FGF14: variants seen among roughly 807,000 people sequenced by gnomAD.
The protein encoded by FGF14 is fibroblast growth factor homologous factor 4.
FGF14 carries 5 observed loss-of-function variants against 25.5 expected under a neutral mutation model. The ratio of observed to expected loss-of-function variants is 0.20; its 90% confidence interval spans 0.10 to 0.41. FGF14 has a LOEUF of 0.41. FGF14 is among the 10% of genes least tolerant of loss of function. The pLI is 1.00. For missense variants in FGF14, 222 were observed against 320.1 expected (o/e 0.69, Z 2.34); for synonymous variants, 138 against 118.3 (o/e 1.17, Z -1.08).
chr13:102,271,697 T>C (rs910052376), intron 1 of FGF14, among the ~76,000 whole-genome samples: 10 of 152,198 alleles, frequency 6.6e-5, no homozygotes, highest in African/African-American at 2.4e-4. Flanking sequence ...TGTCTGGGTC[T>C]GCAATAAATG....
intron 1 of FGF14, among the ~76,000 whole-genome samples, chr13:102,322,772 C>T (rs920346781): frequency 6.6e-6 from 1 of 152,034 alleles, no homozygotes; most frequent in Admixed American, 6.6e-5. Context: ...ATTCCTAAAA[C>T]ATGCATTATA....
At chr13:101,879,668 G>A (rs1594585194) in intron 1 of FGF14, among the ~76,000 whole-genome samples, 4 of 152,040 alleles carry the variant, frequency 2.6e-5, no homozygotes, top group Non-Finnish European at 5.9e-5. Flanking sequence ...TACATCATAC[G>A]AACTATGTTT....
At position 101,724,623 on chromosome 13, in the gene FGF14, TATATATATAA is replaced by T. The variant is rs1289206195; in HGVS notation, c.608-1666_608-1657del. On this transcript the variant is annotated intron_variant, in intron 4 of 4. Coordinates refer to ENST00000376143, the MANE Select transcript of FGF14 (RefSeq NM_004115.4). ...ATATATATATATATATATATATATA[TATATATATAA>T]AACAAAGATATGAATGCCCTAGAGT... is the stretch of plus-strand genomic sequence containing the variant. 5.1e-3 allele frequency among the ~76,000 whole-genome samples: 650 copies of T among 126,948 alleles called. 24 individuals carry two copies. The highest frequency in any genetic ancestry group is 0.048 in the Admixed American group (562 of 11,808). The allele number at this position is 126,948 out of a possible 152,430, so 83.3% of individuals were successfully genotyped here. A position where few individuals can be genotyped will look rare whatever the true frequency, so the allele number is the denominator to read the frequency against.
intron 1 of FGF14, among the ~76,000 whole-genome samples, chr13:101,943,937 G>C (rs1304668392): frequency 6.8e-6 from 1 of 147,982 alleles, no homozygotes; most frequent in Non-Finnish European, 1.5e-5. Context: ...AGGAGGCGGG[G>C]TTGTGGTGAG....
At chr13:102,109,166 A>C (rs1156407903) in intron 1 of FGF14, among the ~76,000 whole-genome samples, 1 of 152,202 alleles carries the variant, frequency 6.6e-6, no homozygotes, top group African/African-American at 2.4e-5. Context: ...GACCCTAAAT[A>C]GCTTTGATTC....
chr13:102,072,498 T>C (rs1466953059), intron 1 of FGF14, among the ~76,000 whole-genome samples: 1 of 152,150 alleles, frequency 6.6e-6, no homozygotes, highest in Non-Finnish European at 1.5e-5. Flanking sequence ...ATAGAAATCA[T>C]TTAATACAGG....
chr13:101,882,818 A>G (rs1482035333), intron 1 of FGF14, among the ~76,000 whole-genome samples: 2 of 152,166 alleles, frequency 1.3e-5, no homozygotes, highest in South Asian at 4.1e-4. Context: ...AACACTTTAA[A>G]GCTACTTCCA....
At chr13:101,957,617 A>T (rs1181948646) in intron 1 of FGF14, among the ~76,000 whole-genome samples, 1 of 152,212 alleles carries the variant, frequency 6.6e-6, no homozygotes, top group Non-Finnish European at 1.5e-5. Flanking sequence ...TATGCATATT[A>T]GTATTTGAGC....
chr13:102,206,296 T>A (rs938062892), intron 1 of FGF14, among the ~76,000 whole-genome samples: 6 of 152,146 alleles, frequency 3.9e-5, no homozygotes, highest in Admixed American at 6.5e-5. Flanking sequence ...AGGGTCCTAC[T>A]CTGACCAATT....
intron 1 of FGF14, chr13:102,263,111 G>T: frequency 1.6e-6 from 1 of 624,690 alleles, no homozygotes; most frequent in Non-Finnish European, 3.0e-6. Flanking sequence ...ACCAGTTTTC[G>T]TCTAAATCCA....
chr13:102,041,621 C>CT (rs1283158043), intron 1 of FGF14, among the ~76,000 whole-genome samples: 1 of 149,664 alleles, frequency 6.7e-6, no homozygotes, highest in Non-Finnish European at 1.5e-5. Flanking sequence ...AAAAATGTTT[C>CT]CTTTACTTGA....
chr13:101,772,201 A>G (rs2038821566), intron 3 of FGF14, among the ~76,000 whole-genome samples: 1 of 152,104 alleles, frequency 6.6e-6, no homozygotes, highest in African/African-American at 2.4e-5. Context: ...ACTCAAGTTC[A>G]AAGACAAAAA....
chr13:102,211,112 G>T (rs975035773), intron 1 of FGF14, among the ~76,000 whole-genome samples: 2 of 151,780 alleles, frequency 1.3e-5, no homozygotes, highest in African/African-American at 4.8e-5. Context: ...TAGTAAAAAA[G>T]AAAATATTAT....
In FGF14 at chr13:102,159,126, C is replaced by A. The variant is rs549575911; in HGVS notation, c.208+242345G>T. 1.2e-3 allele frequency among the ~76,000 whole-genome samples: 169 copies of A among 137,774 alleles called. 6 individuals are homozygous for A. The South Asian group carries it at 0.038, about 31-fold the overall frequency. The allele number at this position is 137,774 out of a possible 152,430, so 90.4% of individuals were successfully genotyped here. A position where few individuals can be genotyped will look rare whatever the true frequency, so the allele number is the denominator to read the frequency against. ...TTGCACTCCAGCATGGGTAAGAGAG[C>A]CAGACTCTGTCTCAAAAAAAAAAAA... On this transcript the variant is annotated intron_variant, in intron 1 of 4. Transcript: ENST00000376131.
chr13:101,776,606 G>A (rs1189870625), intron 3 of FGF14, among the ~76,000 whole-genome samples: 1 of 152,154 alleles, frequency 6.6e-6, no homozygotes, highest in Non-Finnish European at 1.5e-5. Flanking sequence ...GGCAAGAAGA[G>A]CATAAGAAAA....
intron 3 of FGF14, among the ~76,000 whole-genome samples, chr13:101,832,636 T>C (rs1268410693): frequency 6.6e-6 from 1 of 151,734 alleles, no homozygotes; most frequent in Non-Finnish European, 1.5e-5. Context: ...TAAAAGCAAG[T>C]AGAATGAAGG....
intron 1 of FGF14, among the ~76,000 whole-genome samples, chr13:101,906,395 A>C (rs1250127124): frequency 6.6e-6 from 1 of 152,224 alleles, no homozygotes; most frequent in Non-Finnish European, 1.5e-5. Context: ...ACAAATATTT[A>C]AAGGGCATGT....
intron 1 of FGF14, chr13:102,367,894 G>C (rs757163713): frequency 8.5e-5 from 13 of 152,228 alleles, no homozygotes; most frequent in Non-Finnish European, 1.8e-4. Context: ...CTAGACCCCG[G>C]ACGATGGACT....
At chr13:101,842,990 T>C (rs922775181) in intron 3 of FGF14, among the ~76,000 whole-genome samples, 4 of 152,064 alleles carry the variant, frequency 2.6e-5, no homozygotes, top group African/African-American at 9.7e-5. Context: ...CTAACGACTG[T>C]TCGTCTATAC....
Sources: gnomAD v4.1 joint callset for allele counts (sites outside exome capture counted in the v4.1 genomes callset) on GRCh38, gnomAD v4.1.1 for gene constraint, MANE v1.5 for transcripts, NCBI Gene and HGNC (gene_info 2026-07-23, HGNC 2026-07-21) for gene names.